Variants in SLC35C1 observed in about 807,000 individuals in gnomAD.
SLC35C1 encodes the protein solute carrier family 35 member C1, also known as GDP-fucose transporter 1.
SLC35C1 carries 8 observed loss-of-function variants against 23.2 expected under a neutral mutation model. The observed-to-expected ratio is 0.35, with a 90% CI of 0.20 to 0.62. SLC35C1 has a LOEUF of 0.62. Among genes scored for constraint, SLC35C1 ranks in the 20% least tolerant of loss-of-function variants. The pLI is 0.75. For synonymous variants in SLC35C1, 226 were observed against 225.1 expected (o/e 1.00, Z -0.04); for missense variants, 422 against 478.6 (o/e 0.88, Z 1.10).
intron 1 of SLC35C1, among the ~76,000 whole-genome samples, chr11:45,808,033 C>T (rs749912104): frequency 7.2e-5 from 11 of 152,198 alleles, no homozygotes; most frequent in Non-Finnish European, 8.8e-5. Flanking sequence ...GGTGCATTCA[C>T]GGGCGTGCCT....
chr11:45,806,404 T>C, intron 1 of SLC35C1, 68 bp downstream of exon 1: 1 of 1,563,906 alleles, frequency 6.4e-7, no homozygotes. Context: ...GAACAACTCT[T>C]CTAGGCATCC....
chr11:45,810,017 T>G, intron 1 of SLC35C1: 1 of 985,276 alleles, frequency 1.0e-6, no homozygotes, highest in Non-Finnish European at 1.2e-6. Context: ...GGAGGGTGTT[T>G]CTGGCACAGG....
intron 1 of SLC35C1, 87 bp downstream of exon 1, chr11:45,806,423 C>G: frequency 6.7e-7 from 1 of 1,493,322 alleles, no homozygotes; most frequent in Non-Finnish European, 9.1e-7. Flanking sequence ...CCTAGGACTT[C>G]ATCTGTCCCA....
Position 45,812,783 on chromosome 11 carries a change from C to T in SLC35C1, c.*1448C>T, listed in dbSNP as rs1401946645. The T allele has an allele frequency of 1.7e-5, 7 of 412,704 alleles. No homozygotes were observed. Among genetic ancestry groups the T allele is most frequent in the Non-Finnish European group, 4.9e-6 (1 of 203,702 alleles). 25.6% of individuals were successfully genotyped at this position (412,704 alleles called of 1,614,324 possible). Reference sequence around the variant, plus strand: ...TTCGGGGCCATACCACCCTTCACCACACCCTCCTGCGCTCAGGGTGGCTTG... The same window carrying T: ...TTCGGGGCCATACCACCCTTCACCATACCCTCCTGCGCTCAGGGTGGCTTG... On this transcript the variant is annotated 3_prime_UTR_variant, in exon 2 of 2. Coordinates refer to ENST00000314134, the MANE Select transcript of SLC35C1 (RefSeq NM_018389.5).
chr11:45,809,476 C>T (rs539583973), intron 1 of SLC35C1, among the ~76,000 whole-genome samples: 2 of 152,282 alleles, frequency 1.3e-5, no homozygotes, highest in East Asian at 3.9e-4. Context: ...GCCGACTCCA[C>T]GTGGTGCAGG....
chr11:45,810,119 C>T (rs1048288122), intron 1 of SLC35C1: 1 of 985,380 alleles, frequency 1.0e-6, no homozygotes, highest in Non-Finnish European at 1.2e-6. Flanking sequence ...GGCCTGCACC[C>T]CCGCCTGCCA....
chr11:45,805,838 C>T lies in SLC35C1; in HGVS notation c.37C>T (p.His13Tyr). Reference protein sequence around the residue: ...RAPLKRSRILHMALTGASDPS... With the variant: ...RAPLKRSRILYMALTGASDPS... ...CCCTCTGAAGCGGTCCAGGATCCTG[C>T]ACATGGCGCTGACCGGGGCCTCAGA... Residue 13 changes from histidine (H) to tyrosine (Y), a missense_variant, in exon 1 of 2, where the codon CAC (histidine) becomes TAC (tyrosine). Physicochemically the swap from His to Tyr is moderately conservative, Grantham distance 83. Coordinates refer to ENST00000314134, the MANE Select transcript of SLC35C1 (RefSeq NM_018389.5). 1 of 1,614,044 alleles carries T rather than the reference C, an allele frequency of 6.2e-7. No homozygotes were observed. The highest frequency in any genetic ancestry group is 8.5e-7 in the Non-Finnish European group (1 of 1,180,040).
intron 1 of SLC35C1, among the ~76,000 whole-genome samples, chr11:45,808,303 C>G (rs944809050): frequency 5.9e-5 from 9 of 151,986 alleles, no homozygotes; most frequent in Non-Finnish European, 8.8e-5. Context: ...AGTTCGAGAC[C>G]AGCCTGGCCA....
intron 1 of SLC35C1, chr11:45,809,779 G>C (rs1291989993): frequency 1.0e-6 from 1 of 985,312 alleles, no homozygotes; most frequent in Non-Finnish European, 1.2e-6. Context: ...CAGATGCTGT[G>C]GCAGGAAGTA....
chr11:45,804,638 G>A (rs2085847267), upstream of SLC35C1: 3 of 985,720 alleles, frequency 3.0e-6, no homozygotes, highest in Admixed American at 6.1e-5. Flanking sequence ...CGGCCTCGGG[G>A]AGCGCTGCCG....
At chr11:45,808,703 G>A (rs1184640702) in intron 1 of SLC35C1, among the ~76,000 whole-genome samples, 2 of 151,636 alleles carry the variant, frequency 1.3e-5, no homozygotes, top group Non-Finnish European at 2.9e-5. Flanking sequence ...GAAAGAGGAG[G>A]GTCGGGCTCT....
chr11:45,806,187 C>T lies in SLC35C1; in HGVS notation c.386C>T (p.Thr129Ile), dbSNP rs1367718150. ...TCGGTGGTCTTCATCGGCATGATCACCTTCAATAACCTCTGCCTCAAGTAC... is the reference window on the plus strand; with the variant it reads ...TCGGTGGTCTTCATCGGCATGATCATCTTCAATAACCTCTGCCTCAAGTAC... ...PLSVVFIGMI[T>I]FNNLCLKYVG... Residue 129 changes from threonine (T) to isoleucine (I), a missense_variant, in exon 1 of 2, where the codon ACC (threonine) becomes ATC (isoleucine). Physicochemically the swap from Thr to Ile is moderately conservative, Grantham distance 89 (BLOSUM62 -1). Coordinates refer to ENST00000314134, the MANE Select transcript of SLC35C1 (RefSeq NM_018389.5). 1 of 1,605,220 alleles carries T rather than the reference C, an allele frequency of 6.2e-7. No individual in the cohort carries two copies.
chr11:45,805,991 G>C lies in SLC35C1; in HGVS notation c.190G>C (p.Asp64His), dbSNP rs764288430. ...SMVFLNKYLL[D>H]SPSLRLDTPI... ...GGTGTTCCTTAATAAGTACCTGCTG[G>C]ACAGCCCCTCCCTGCGGCTGGACAC... Residue 64 changes from aspartate (D) to histidine (H), a missense_variant, in exon 1 of 2, where the codon GAC becomes CAC. Coordinates refer to ENST00000314134, the MANE Select transcript of SLC35C1 (RefSeq NM_018389.5). The C allele has an allele frequency of 6.2e-7, 1 of 1,613,990 alleles. No individual in the cohort carries two copies. Among genetic ancestry groups the C allele is most frequent in the South Asian group, 1.1e-5 (1 of 91,074 alleles).
intron 1 of SLC35C1, among the ~76,000 whole-genome samples, chr11:45,807,344 G>C (rs10444288): frequency 0.14 from 21,837 of 152,196 alleles, 1,653 homozygotes; most frequent in South Asian, 0.19. Flanking sequence ...GTTACAACCT[G>C]ATTTTCTAGC....
At chr11:45,809,955 C>G (rs1403557390) in intron 1 of SLC35C1, 7 of 984,818 alleles carry the variant, frequency 7.1e-6, no homozygotes, top group Non-Finnish European at 8.4e-6. Flanking sequence ...AAGGATTCCC[C>G]AGGAGAAGCC....
Position 45,806,334 on chromosome 11 carries a change from T to G in SLC35C1, c.533T>G (p.Ile178Ser). 1 of 1,612,568 alleles carries G rather than the reference T, an allele frequency of 6.2e-7. No homozygotes were observed. Among genetic ancestry groups the G allele is most frequent in the Non-Finnish European group, 8.5e-7 (1 of 1,179,980 alleles). The change falls in exon 1 of 2, where the codon ATC becomes AGC. Residue 178 changes from isoleucine (I) to serine (S), a missense_variant and splice_region_variant. Transcript: ENST00000314134. Reference sequence around the variant, plus strand: ...GCCCTGCTCACCTGCGGTATCATCATCGGTGAGTGGCAGCTGGGGCCACGG... The same window carrying G: ...GCCCTGCTCACCTGCGGTATCATCAGCGGTGAGTGGCAGCTGGGGCCACGG... ...FYALLTCGII[I>S]GGFWLGVDQE...
chr11:45,812,477 C>A lies in SLC35C1; in HGVS notation c.*1142C>A. The stretch of plus-strand genomic sequence containing the variant: ...CAACAGAAACGTATTGCTCACAGTC[C>A]TGGGGGGCTGGGACGCCCAAGATCA... On this transcript the variant is annotated 3_prime_UTR_variant, in exon 2 of 2. Transcript: ENST00000314134. 1 of 452,244 alleles carries A rather than the reference C, an allele frequency of 2.2e-6. No homozygotes were observed. 28.0% of individuals were successfully genotyped at this position (452,244 alleles called of 1,614,324 possible).
upstream of SLC35C1, chr11:45,804,964 A>T: frequency 3.0e-6 from 3 of 985,310 alleles, no homozygotes; most frequent in Non-Finnish European, 3.6e-6. Flanking sequence ...ACCCAGAAAA[A>T]CCTGTGGCTG....
Position 45,805,168 on chromosome 11 carries a change from C to G in SLC35C1, c.-634C>G. On this transcript the variant is annotated 5_prime_UTR_variant, in exon 1 of 2. Transcript: ENST00000314134. ...GTCGGCCTCGGATGTCCGGAGGCTC[C>G]TGGGCTGAGCCGGCGACAGAGCCCG... is the stretch of plus-strand genomic sequence containing the variant. 9 of 990,952 alleles carry G rather than the reference C, an allele frequency of 9.1e-6. No individual in the cohort carries two copies. Among genetic ancestry groups the G allele is most frequent in the Non-Finnish European group, 1.1e-5 (9 of 832,890 alleles). 61.4% of individuals were successfully genotyped at this position (990,952 alleles called of 1,614,324 possible). A position where few individuals can be genotyped will look rare whatever the true frequency, so the allele number is the denominator to read the frequency against.
Sources: gnomAD v4.1 joint callset for allele counts (sites outside exome capture counted in the v4.1 genomes callset) on GRCh38, gnomAD v4.1.1 for gene constraint, MANE v1.5 for transcripts, NCBI Gene and HGNC (gene_info 2026-07-23, HGNC 2026-07-21) for gene names.